The following VPS13D variants were observed in gnomAD, a reference collection of about 807,000 sequenced individuals.
The protein encoded by VPS13D is vacuolar protein sorting 13 homolog D, also known as intermembrane lipid transfer protein VPS13D.
In VPS13D, 187 loss-of-function variants were observed where a neutral mutation model predicts 461.9. The ratio of observed to expected loss-of-function variants is 0.40; its 90% CI spans 0.36 to 0.46. The LOEUF (loss-of-function observed/expected upper bound fraction) is 0.46, where lower values mean the gene tolerates loss of function less well. Ranked by LOEUF, VPS13D falls within the 20% of genes least tolerant of loss-of-function variation. The probability of loss-of-function intolerance (pLI) is 0.60; values close to 1 mark genes in which losing one functional copy is unlikely to be tolerated. For missense variants in VPS13D, 4,711 were observed against 5,364.9 expected (o/e 0.88, Z 3.81); for synonymous variants, 1,951 against 1,986.3 (o/e 0.98, Z 0.47).
rs1646135012 is a variant in VPS13D at position 12,507,962 on chromosome 1, T to C, written c.13035+869T>C. Among the ~76,000 whole-genome samples, 1 of 152,250 alleles carries C rather than the reference T, an allele frequency of 6.6e-6. No individual in the cohort carries two copies. The highest frequency in any genetic ancestry group is 1.5e-5 in the Non-Finnish European group (1 of 68,044). On this transcript the variant is annotated intron_variant, in intron 69 of 69. Coordinates refer to ENST00000620676, the MANE Select transcript of VPS13D (RefSeq NM_015378.4). The surrounding 1 kb of genome is among the most constrained non-coding windows in gnomAD (Gnocchi z 5.3). ...CAAAAGGGCCTGCCCACCTCTGCTC[T>C]CTCTATGGATCGGAAATAGCGCCAG...
In VPS13D at chr1:12,323,763, C is replaced by G; in HGVS notation, c.7973C>G (p.Ala2658Gly). The change falls in exon 35 of 70, where the codon GCT (alanine) becomes GGT (glycine). Residue 2658 changes from alanine (A) to glycine (G), a missense_variant. By Grantham distance (60) the Ala-to-Gly change is moderately conservative. This residue lies in a region of VPS13D where 4,411 missense variants were observed against 4,937.8 expected (regional missense o/e 0.89). Coordinates refer to ENST00000620676, the MANE Select transcript of VPS13D (RefSeq NM_015378.4). ...LGFSMDDCRK[A>G]LLACQGQLKK... ...TTCAGCATGGATGATTGTCGCAAAG[C>G]TCTTTTGGCGTGTCAAGGTAATTTG... 1 of 1,614,082 alleles carries G rather than the reference C, an allele frequency of 6.2e-7. No homozygotes were observed. The highest frequency in any genetic ancestry group is 1.1e-5 in the South Asian group (1 of 91,080).
At chr1:12,389,499 T>C (rs1399493817) in intron 60 of VPS13D, among the ~76,000 whole-genome samples, 2 of 152,190 alleles carry the variant, frequency 1.3e-5, no homozygotes, top group African/African-American at 2.4e-5. Context: ...AATGCTGATA[T>C]GAAGTCAATA....
chr1:12,294,948 C>T (rs1012563549), intron 24 of VPS13D, among the ~76,000 whole-genome samples: 14 of 150,886 alleles, frequency 9.3e-5, no homozygotes, highest in African/African-American at 3.4e-4. Flanking sequence ...TATGGCCAGG[C>T]GTGGTGGCTC....
intron 60 of VPS13D, among the ~76,000 whole-genome samples, chr1:12,390,605 T>C (rs1644412075): frequency 2.0e-5 from 3 of 152,174 alleles, no homozygotes; most frequent in Non-Finnish European, 4.4e-5. Context: ...AAGCGTCTAT[T>C]CCAGTGAAGA....
At position 12,312,046 on chromosome 1, in the gene VPS13D, A is replaced by C. The variant is rs1642766418; in HGVS notation, c.6935+121A>C. On this transcript the variant is annotated intron_variant, in intron 29 of 69. Coordinates refer to ENST00000620676, the MANE Select transcript of VPS13D (RefSeq NM_015378.4). ...CCCACAGATGGAATGTTGTCTGCAG[A>C]GTGTCTTTTGGTTGATCTACACAGT... The C allele has an allele frequency of 8.8e-6, 7 of 796,650 alleles. No individual in the cohort carries two copies. In the Admixed American group the frequency reaches 1.3e-4, roughly 15 times the overall value. The allele number at this position is 796,650 out of a possible 1,614,324, so 49.3% of individuals were successfully genotyped here.
Position 12,363,086 on chromosome 1 carries a change from C to T in VPS13D, c.10287C>T (p.Pro3429=), listed in dbSNP as rs375496783. 1.1e-5 allele frequency: 17 copies of T among 1,613,970 alleles called. No homozygotes were observed. Among genetic ancestry groups the T allele is most frequent in the Middle Eastern group, 1.6e-4 (1 of 6,084 alleles). The part of the protein sequence containing the change: ...EFARGQGTAN[P]EGYISTLPGS... ...ATGTGTTTTAGGGAACAGCCAATCCCGAAGGTTACATTTCCACCCTTCCTG... is the reference window on the plus strand; with the variant it reads ...ATGTGTTTTAGGGAACAGCCAATCCTGAAGGTTACATTTCCACCCTTCCTG... The change falls in exon 52 of 70, where the codon CCC becomes CCT. Residue 3429 remains proline (P), a synonymous_variant. Transcript: ENST00000620676.
At chr1:12,296,429 C>T (rs1289242953) in intron 24 of VPS13D, among the ~76,000 whole-genome samples, 1 of 152,186 alleles carries the variant, frequency 6.6e-6, no homozygotes, top group Non-Finnish European at 1.5e-5. Context: ...TACAGTGTAT[C>T]AAGTATGTAA....
chr1:12,496,771 G>A (rs1007208712), intron 67 of VPS13D, among the ~76,000 whole-genome samples: 3 of 152,236 alleles, frequency 2.0e-5, no homozygotes, highest in East Asian at 1.9e-4. Flanking sequence ...TACCCTGAAA[G>A]CCATAACAAA....
At chr1:12,401,828 G>A in intron 62 of VPS13D, 124 bp downstream of exon 62, 2 of 690,424 alleles carry the variant, frequency 2.9e-6, no homozygotes, top group Non-Finnish European at 5.0e-6. Flanking sequence ...CTCAGCCTGA[G>A]CTAGGAAGCT....
chr1:12,283,381 T>C lies in VPS13D; in HGVS notation c.5279T>C (p.Leu1760Ser). ...GAAGTCCAAGACAAGGACTATCCCT[T>C]GACCCCACCTCCTTCTCCAACAGTG... ...QKEVQDKDYP[L>S]TPPPSPTVDE... The change falls in exon 21 of 70, where the codon TTG becomes TCG. Residue 1760 changes from leucine to serine, a missense_variant. Around this residue, in one of 3 missense-constraint regions of VPS13D, gnomAD observed 4,411 missense variants for 4,937.8 expected, o/e 0.89. Coordinates refer to ENST00000620676, the MANE Select transcript of VPS13D (RefSeq NM_015378.4). 1 of 1,614,192 alleles carries C rather than the reference T, an allele frequency of 6.2e-7. No homozygotes were observed. The highest frequency in any genetic ancestry group is 1.7e-5 in the Admixed American group (1 of 60,016).
intron 44 of VPS13D, 145 bp from the exon 45 acceptor site, chr1:12,348,678 A>G (rs1286145649): frequency 1.2e-5 from 12 of 1,035,870 alleles, no homozygotes; most frequent in Non-Finnish European, 1.6e-5. Flanking sequence ...TTAAAGTTGA[A>G]TGGCTTTAGG....
chr1:12,332,870 C>T (rs1643365048), intron 37 of VPS13D, among the ~76,000 whole-genome samples: 1 of 152,144 alleles, frequency 6.6e-6, no homozygotes, highest in Non-Finnish European at 1.5e-5. Context: ...ATTTAAGACA[C>T]TTTATTATTT....
chr1:12,243,943 G>GC (rs1182485519), intron 3 of VPS13D, among the ~76,000 whole-genome samples: 1 of 152,162 alleles, frequency 6.6e-6, no homozygotes, highest in African/African-American at 2.4e-5. Flanking sequence ...GACACCCTGA[G>GC]CAAGTGTAAG....
At chr1:12,262,306 G>A (rs868089982) in intron 13 of VPS13D, among the ~76,000 whole-genome samples, 5 of 152,128 alleles carry the variant, frequency 3.3e-5, no homozygotes, top group African/African-American at 4.8e-5. Flanking sequence ...TTTAAAATGC[G>A]TGTCTGTATT....
At chr1:12,453,184 C>G (rs1645285023) in intron 65 of VPS13D, among the ~76,000 whole-genome samples, 2 of 152,040 alleles carry the variant, frequency 1.3e-5, no homozygotes, top group South Asian at 4.2e-4. Flanking sequence ...CATAGGCTCA[C>G]TCATCAACTT....
chr1:12,253,878 C>T (rs569378225), intron 7 of VPS13D, 52 bp downstream of exon 7: 42 of 1,452,766 alleles, frequency 2.9e-5, no homozygotes, highest in African/African-American at 1.8e-4. Flanking sequence ...AGGGAAGCGG[C>T]GTAGGGTCAC....
chr1:12,459,878 G>A (rs1645385205), intron 66 of VPS13D, among the ~76,000 whole-genome samples: 1 of 151,148 alleles, frequency 6.6e-6, no homozygotes, highest in Non-Finnish European at 1.5e-5. Context: ...ATCCTCTCCT[G>A]ATCGTCCGTA....
At chr1:12,410,845 C>A (rs1047555347) in intron 63 of VPS13D, among the ~76,000 whole-genome samples, 24 of 152,072 alleles carry the variant, frequency 1.6e-4, no homozygotes, top group Admixed American at 7.2e-4. Flanking sequence ...GGTATTTTAC[C>A]ACATCAACAC....
intron 67 of VPS13D, among the ~76,000 whole-genome samples, chr1:12,494,257 G>A (rs958021802): frequency 1.3e-5 from 2 of 152,182 alleles, no homozygotes; most frequent in Non-Finnish European, 2.9e-5. Flanking sequence ...GAAACATAAT[G>A]ATAGTCAGTG....
Sources: allele counts gnomAD v4.1 joint callset (sites outside exome capture counted in the v4.1 genomes callset), GRCh38; gene constraint gnomAD v4.1.1; regional missense constraint gnomAD v4.1.1; non-coding constraint Gnocchi (gnomAD v3.1); transcripts MANE v1.5; gene names NCBI Gene and HGNC (gene_info 2026-07-23, HGNC 2026-07-21).